REDIC1: variants seen among roughly 807,000 people sequenced by gnomAD.
REDIC1 encodes HEI10 Interacting Protein 1.
chr12:39,711,868 C>CATGTGTATATGTGT, the REDIC1 span, among the ~76,000 whole-genome samples: 1 of 56,900 alleles, frequency 1.8e-5, no homozygotes, highest in African/African-American at 9.5e-5. Context: ...TGTGTATACA[C>CATGTGTATATGTGT]GTATACACAT....
At chr12:39,831,428 G>A in the REDIC1 span, among the ~76,000 whole-genome samples, 2 of 152,152 alleles carry the variant, frequency 1.3e-5, no homozygotes, top group Non-Finnish European at 1.5e-5. Flanking sequence ...ACTATGGGTT[G>A]TGAAAGGAGA....
the REDIC1 span, among the ~76,000 whole-genome samples, chr12:39,761,088 T>C: frequency 2.0e-5 from 3 of 152,092 alleles, no homozygotes; most frequent in East Asian, 5.8e-4. Context: ...CAGACCATCA[T>C]GTGTATGAGA....
chr12:39,661,416 A>AT, the REDIC1 span, among the ~76,000 whole-genome samples: 147 of 150,808 alleles, frequency 9.7e-4, 2 homozygotes, highest in African/African-American at 3.2e-3. Context: ...GACGTTGAGC[A>AT]TTTTTTTTTA....
At chr12:39,650,820 C>T in the REDIC1 span, among the ~76,000 whole-genome samples, 1 of 152,148 alleles carries the variant, frequency 6.6e-6, no homozygotes, top group Non-Finnish European at 1.5e-5. The surrounding 1 kb of genome is among the most constrained non-coding windows in gnomAD (Gnocchi z 4.3). Context: ...AAGTGATCTG[C>T]CCACCTTAGC....
chr12:39,794,460 C>T, the REDIC1 span, among the ~76,000 whole-genome samples: 1 of 152,170 alleles, frequency 6.6e-6, no homozygotes, highest in Non-Finnish European at 1.5e-5. Context: ...ACATAATTAA[C>T]TATAACGCAA....
the REDIC1 span, among the ~76,000 whole-genome samples, chr12:39,770,863 G>A: frequency 1.3e-5 from 2 of 152,068 alleles, no homozygotes; most frequent in African/African-American, 4.8e-5. Flanking sequence ...CCAAGACTAG[G>A]AGCTTTGGTA....
At chr12:39,660,844 C>A in the REDIC1 span, among the ~76,000 whole-genome samples, 1 of 152,100 alleles carries the variant, frequency 6.6e-6, no homozygotes, top group African/African-American at 2.4e-5. Flanking sequence ...TTCCCAGCCT[C>A]TGGTAACTAT....
chr12:39,730,760 C>T, the REDIC1 span, among the ~76,000 whole-genome samples: 1 of 152,158 alleles, frequency 6.6e-6, no homozygotes, highest in African/African-American at 2.4e-5. Flanking sequence ...CAACTTGGTT[C>T]CATTCTCCCC....
chr12:39,640,225 G>T, the REDIC1 span, among the ~76,000 whole-genome samples: 1 of 151,726 alleles, frequency 6.6e-6, no homozygotes, highest in East Asian at 1.9e-4. Flanking sequence ...TCATACCCTT[G>T]TGAAAGAGGC....
the REDIC1 span, among the ~76,000 whole-genome samples, chr12:39,633,690 G>A: frequency 1.3e-5 from 2 of 152,002 alleles, no homozygotes; most frequent in Non-Finnish European, 2.9e-5. Flanking sequence ...ACCATGTTAC[G>A]ACAACTAGGC....
At chr12:39,755,548 T>C in the REDIC1 span, 2 of 152,106 alleles carry the variant, frequency 1.3e-5, no homozygotes, top group Non-Finnish European at 2.9e-5. Context: ...CTACTTTGGC[T>C]AGAGTTGTCT....
At chr12:39,705,428 T>C in the REDIC1 span, among the ~76,000 whole-genome samples, 1 of 151,860 alleles carries the variant, frequency 6.6e-6, no homozygotes, top group South Asian at 2.1e-4. Context: ...TTCTGAAAAA[T>C]GGAGGATGAG....
the REDIC1 span, among the ~76,000 whole-genome samples, chr12:39,870,412 C>G: frequency 3.3e-5 from 5 of 152,232 alleles, no homozygotes; most frequent in South Asian, 1.0e-3. Context: ...AGTTTACTAT[C>G]CTAATGATTC....
chr12:39,899,588 G>T, the REDIC1 span, among the ~76,000 whole-genome samples: 3 of 151,950 alleles, frequency 2.0e-5, no homozygotes, highest in African/African-American at 7.3e-5. Flanking sequence ...GTCAATTTTG[G>T]ATCTTTCCTG....
chr12:39,753,069 C>T, the REDIC1 span, among the ~76,000 whole-genome samples: 44 of 152,318 alleles, frequency 2.9e-4, no homozygotes, highest in Admixed American at 2.6e-3. Flanking sequence ...AACTGCTGCT[C>T]TAACGTATGT....
chr12:39,667,522 G>A, the REDIC1 span, among the ~76,000 whole-genome samples: 1 of 152,198 alleles, frequency 6.6e-6, no homozygotes, highest in Non-Finnish European at 1.5e-5. Flanking sequence ...GCGGTGTCGT[G>A]CTGAGAAGAA....
chr12:39,795,476 C>T, the REDIC1 span, among the ~76,000 whole-genome samples: 1 of 152,120 alleles, frequency 6.6e-6, no homozygotes, highest in Non-Finnish European at 1.5e-5. Context: ...AAATCCAATA[C>T]CTCTAATCTT....
At chr12:39,679,901 C>T in the REDIC1 span, among the ~76,000 whole-genome samples, 8 of 152,126 alleles carry the variant, frequency 5.3e-5, no homozygotes, top group African/African-American at 1.7e-4. Context: ...AAAGAATACC[C>T]TATTCAACAA....
chr12:39,682,431 AC>A, the REDIC1 span, among the ~76,000 whole-genome samples: 1 of 152,110 alleles, frequency 6.6e-6, no homozygotes, highest in Non-Finnish European at 1.5e-5. Flanking sequence ...TCATTAGAAG[AC>A]CACATTAGAC....
Sources: allele counts gnomAD v4.1 joint callset (sites outside exome capture counted in the v4.1 genomes callset), GRCh38; gene constraint gnomAD v4.1.1; non-coding constraint Gnocchi (gnomAD v3.1); transcripts MANE v1.5; gene names NCBI Gene and HGNC (gene_info 2026-07-23, HGNC 2026-07-21).